Variants in CCDC60 observed in about 807,000 individuals in gnomAD.
CCDC60 encodes coiled-coil domain-containing protein 60.
In CCDC60, 54 loss-of-function variants were observed where a neutral mutation model predicts 63.5. That is an observed-to-expected ratio of 0.85 (90% confidence interval 0.68 to 1.07). CCDC60 has a LOEUF of 1.07. CCDC60 is among the 50% of genes least tolerant of loss of function. The pLI, the probability that CCDC60 is intolerant of heterozygous loss-of-function variation, is 0.00. For missense variants in CCDC60, 651 were observed against 684.3 expected, an observed-to-expected ratio of 0.95 and a Z score of 0.54; for synonymous variants, 206 against 238.8, an observed-to-expected ratio of 0.86 and a Z score of 1.27.
chr12:119,342,954 T>C (rs1200482573), intron 1 of CCDC60, among the ~76,000 whole-genome samples: 4 of 151,736 alleles, frequency 2.6e-5, no homozygotes, highest in African/African-American at 9.8e-5. Flanking sequence ...CCTTTCAACA[T>C]CCCCACAGCC....
chr12:119,396,470 C>T (rs954895005), intron 1 of CCDC60, among the ~76,000 whole-genome samples: 1 of 152,084 alleles, frequency 6.6e-6, no homozygotes, highest in African/African-American at 2.4e-5. Context: ...AGGAATGGGT[C>T]ATGGATGCAG....
intron 2 of CCDC60, among the ~76,000 whole-genome samples, chr12:119,461,438 C>T (rs549870029): frequency 5.9e-4 from 89 of 152,080 alleles, no homozygotes; most frequent in Non-Finnish European, 1.2e-3. Context: ...AGAAATGAAA[C>T]CTAGGCTTCC....
chr12:119,373,536 C>T (rs1955919391), intron 1 of CCDC60, among the ~76,000 whole-genome samples: 4 of 152,066 alleles, frequency 2.6e-5, no homozygotes, highest in Admixed American at 2.6e-4. Flanking sequence ...TGTCTGTCAC[C>T]GTGGTGAGCA....
intron 1 of CCDC60, chr12:119,402,563 G>A (rs1956411510): frequency 6.6e-6 from 1 of 152,204 alleles, no homozygotes; most frequent in South Asian, 2.1e-4. Context: ...TCTGTAAAAT[G>A]GAGATAATAG....
chr12:119,498,572 G>T (rs1840343468), intron 5 of CCDC60, among the ~76,000 whole-genome samples: 1 of 152,090 alleles, frequency 6.6e-6, no homozygotes, highest in Non-Finnish European at 1.5e-5. Context: ...TCTCATCTCA[G>T]TTGATCTGCC....
intron 1 of CCDC60, among the ~76,000 whole-genome samples, chr12:119,365,355 C>G (rs1002436795): frequency 1.3e-5 from 2 of 152,148 alleles, no homozygotes; most frequent in African/African-American, 4.8e-5. Flanking sequence ...AATAAATATC[C>G]AAGGAAAGGA....
intron 2 of CCDC60, among the ~76,000 whole-genome samples, chr12:119,465,077 C>T (rs1261467693): frequency 1.3e-5 from 2 of 152,144 alleles, no homozygotes; most frequent in East Asian, 1.9e-4. Flanking sequence ...TTTGGGAGGC[C>T]GAGGCGGGTG....
intron 9 of CCDC60, among the ~76,000 whole-genome samples, chr12:119,522,646 G>A (rs1952559991): frequency 6.6e-6 from 1 of 152,204 alleles, no homozygotes; most frequent in African/African-American, 2.4e-5. Context: ...GAGGCGGAAG[G>A]TCAAAGTTAG....
rs1278326739 is a variant in CCDC60 at position 119,479,156 on chromosome 12, C to T, written c.404C>T (p.Pro135Leu). 6.2e-7 allele frequency: 1 copy of T among 1,613,958 alleles called. No homozygotes were observed. Among genetic ancestry groups the T allele is most frequent in the Non-Finnish European group, 8.5e-7 (1 of 1,179,978 alleles). ...GARVTRRPFT[P>L]IHSCIISPSL... The stretch of plus-strand genomic sequence containing the variant: ...AGAGTCACACGTCGCCCATTCACTC[C>T]CATCCACAGCTGCATCATTTCTCCC... The change falls in exon 4 of 14, where the codon CCC (proline) becomes CTC (leucine). Residue 135 changes from proline to leucine, a missense_variant. By Grantham distance (98) the Pro-to-Leu change is moderately conservative. Transcript: ENST00000327554.
intron 5 of CCDC60, among the ~76,000 whole-genome samples, chr12:119,493,097 C>T (rs775133837): frequency 2.6e-5 from 4 of 152,176 alleles, no homozygotes; most frequent in Non-Finnish European, 4.4e-5. Context: ...TACCTAATCT[C>T]CAGTTCTCCT....
chr12:119,520,008 G>T (rs76512640), intron 8 of CCDC60, 113 bp from the exon 9 acceptor site: 80,137 of 863,678 alleles, frequency 0.093, 4,350 homozygotes, highest in Middle Eastern at 0.11. Flanking sequence ...GTGCTCAGTA[G>T]AGTCTGAAGA....
chr12:119,387,747 TTTACC>T (rs1956085602), intron 1 of CCDC60, among the ~76,000 whole-genome samples: 3 of 152,226 alleles, frequency 2.0e-5, no homozygotes, highest in Admixed American at 6.5e-5. Context: ...CACATAAAAA[TTTACC>T]TAATTGCTTT....
intron 4 of CCDC60, 37 bp from the exon 5 acceptor site, chr12:119,488,722 C>T (rs1302173260): frequency 6.3e-7 from 1 of 1,575,290 alleles, no homozygotes; most frequent in East Asian, 2.2e-5. Context: ...GTTGTTCTAA[C>T]AGGATCCCAC....
Position 119,498,625 on chromosome 12 carries a change from G to A in CCDC60, c.558-1453G>A, listed in dbSNP as rs117702928. 4.9e-3 allele frequency among the ~76,000 whole-genome samples: 746 copies of A among 152,204 alleles called. 6 individuals carry two copies. The highest frequency in any genetic ancestry group is 0.017 in the African/African-American group (700 of 41,522). On this transcript the variant is annotated intron_variant, in intron 5 of 13. Coordinates refer to ENST00000327554, the MANE Select transcript of CCDC60 (RefSeq NM_178499.5). ...GTGCTGGGATTACAGGCATGAGCCC[G>A]GTTCGTCTTCTTATTTCAAGTTCCT...
At chr12:119,505,543 C>T (rs1951976297) in intron 7 of CCDC60, among the ~76,000 whole-genome samples, 1 of 152,240 alleles carries the variant, frequency 6.6e-6, no homozygotes, top group Admixed American at 6.5e-5. Context: ...CACCAACTGC[C>T]CTTTTCTAAT....
At chr12:119,527,963 C>A (rs561376525) in intron 11 of CCDC60, among the ~76,000 whole-genome samples, 1 of 151,838 alleles carries the variant, frequency 6.6e-6, no homozygotes, top group Non-Finnish European at 1.5e-5. Flanking sequence ...TGATCCACTG[C>A]GCCCGGCATC....
At chr12:119,356,058 A>G (rs1274275686) in intron 1 of CCDC60, among the ~76,000 whole-genome samples, 1 of 152,260 alleles carries the variant, frequency 6.6e-6, no homozygotes, top group African/African-American at 2.4e-5. Context: ...TATTTGTTGA[A>G]CAAATTAATG....
chr12:119,352,766 G>A (rs571326517), intron 1 of CCDC60, among the ~76,000 whole-genome samples: 5 of 152,052 alleles, frequency 3.3e-5, no homozygotes, highest in African/African-American at 9.6e-5. Flanking sequence ...GTGAAACCCC[G>A]TCTCTACTAA....
intron 1 of CCDC60, among the ~76,000 whole-genome samples, chr12:119,350,209 A>T (rs558764209): frequency 1.2e-4 from 15 of 124,924 alleles, no homozygotes; most frequent in Non-Finnish European, 2.0e-4. Context: ...TTATTTATTT[A>T]TTTTTTGAGA....
Sources: allele counts gnomAD v4.1 joint callset (sites outside exome capture counted in the v4.1 genomes callset), GRCh38; gene constraint gnomAD v4.1.1; transcripts MANE v1.5; gene names NCBI Gene and HGNC (gene_info 2026-07-23, HGNC 2026-07-21).